FBXL13: variants seen among roughly 807,000 people sequenced by gnomAD.
The protein encoded by FBXL13 is F-box and leucine-rich repeat protein 13.
Under a neutral mutation model 83.6 loss-of-function variants are expected in FBXL13, and 67 were observed. The ratio of observed to expected loss-of-function variants is 0.80; its 90% confidence interval spans 0.66 to 0.98. The LOEUF (loss-of-function observed/expected upper bound fraction) is 0.98. Among genes scored for constraint, FBXL13 ranks in the 50% least tolerant of loss-of-function variants. FBXL13 has a pLI of 0.00. For missense variants in FBXL13, 822 were observed against 866.5 expected (o/e 0.95, Z 0.64); for synonymous variants, 272 against 299.5 (o/e 0.91, Z 0.95).
intron 6 of FBXL13, among the ~76,000 whole-genome samples, chr7:102,971,009 A>G (rs938262805): frequency 5.3e-5 from 8 of 152,214 alleles, no homozygotes; most frequent in Admixed American, 3.3e-4. Context: ...TAAAGAGAAT[A>G]AAATCAAAGC....
chr7:102,995,030 TGTA>T (rs1829951931), intron 6 of FBXL13, among the ~76,000 whole-genome samples: 1 of 152,118 alleles, frequency 6.6e-6, no homozygotes, highest in African/African-American at 2.4e-5. Context: ...CTGTCCCTCT[TGTA>T]AAAGGTAAAA....
At chr7:103,074,588 C>G, upstream of FBXL13, 1 of 1,245,120 alleles carries the variant, frequency 8.0e-7, no homozygotes, top group Non-Finnish European at 1.0e-6. Flanking sequence ...TCCCTCCACT[C>G]CTCCCCAATC....
At chr7:102,963,320 CAA>C (rs1263420772) in intron 8 of FBXL13, among the ~76,000 whole-genome samples, 7 of 127,028 alleles carry the variant, frequency 5.5e-5, no homozygotes, top group African/African-American at 5.8e-5. Context: ...GACTCCATCT[CAA>C]AAAAAAAAAA....
At chr7:102,979,307 A>G (rs1302297521) in intron 6 of FBXL13, among the ~76,000 whole-genome samples, 2 of 152,216 alleles carry the variant, frequency 1.3e-5, no homozygotes, top group Non-Finnish European at 2.9e-5. Context: ...TAAAAGCTGG[A>G]GATGCTAGGG....
At chr7:102,984,708 T>C (rs757463267) in intron 6 of FBXL13, among the ~76,000 whole-genome samples, 5 of 152,224 alleles carry the variant, frequency 3.3e-5, no homozygotes, top group Admixed American at 3.3e-4. Flanking sequence ...ATATTTGTTG[T>C]GCACTTCTGT....
At chr7:102,939,583 C>A (rs776118776) in intron 8 of FBXL13, 5 of 1,612,488 alleles carry the variant, frequency 3.1e-6, no homozygotes, top group Non-Finnish European at 8.5e-7. Context: ...TTCATCGATC[C>A]TGGTAAGTTC....
At chr7:102,995,957 G>C (rs1789742474) in intron 6 of FBXL13, among the ~76,000 whole-genome samples, 1 of 152,078 alleles carries the variant, frequency 6.6e-6, no homozygotes, top group Non-Finnish European at 1.5e-5. Context: ...TTCCCAAAGT[G>C]AACCTAAAAC....
intron 16 of FBXL13, among the ~76,000 whole-genome samples, chr7:102,860,115 C>T (rs1806588860): frequency 6.6e-6 from 1 of 152,168 alleles, no homozygotes; most frequent in African/African-American, 2.4e-5. Context: ...ACAAGAACCT[C>T]GTACATTATT....
chr7:102,957,619 T>G (rs1824496661), intron 8 of FBXL13, among the ~76,000 whole-genome samples: 1 of 151,792 alleles, frequency 6.6e-6, no homozygotes, highest in Non-Finnish European at 1.5e-5. Flanking sequence ...GGGAGAAAAT[T>G]TTTGCAATCT....
chr7:102,914,939 T>C lies in FBXL13; in HGVS notation c.879-1724A>G, dbSNP rs117110411. Among the ~76,000 whole-genome samples, 516 of 152,266 alleles carry C rather than the reference T, an allele frequency of 3.4e-3. 2 individuals are homozygous for C. Among genetic ancestry groups the C allele is most frequent in the Non-Finnish European group, 5.2e-3 (357 of 68,018 alleles). On this transcript the variant is annotated intron_variant, in intron 10 of 19. Coordinates refer to ENST00000313221, the Ensembl canonical transcript of FBXL13. ...GAGAGGCACACCAGGGTGTCATTTC[T>C]AGCAATCCTTTAGCTTTATAATCTG...
intron 6 of FBXL13, among the ~76,000 whole-genome samples, chr7:103,016,687 C>T (rs368185875): frequency 9.9e-5 from 15 of 152,186 alleles, no homozygotes; most frequent in African/African-American, 3.4e-4. Context: ...TATCCCGCGC[C>T]TGGCTCGGAG....
intron 2 of FBXL13, among the ~76,000 whole-genome samples, chr7:103,043,657 G>A (rs1795981770): frequency 6.6e-6 from 1 of 152,148 alleles, no homozygotes; most frequent in African/African-American, 2.4e-5. Context: ...GATTACAGGT[G>A]TGTGCTACCA....
At chr7:102,834,396 T>TA (rs1562927136) in intron 17 of FBXL13, among the ~76,000 whole-genome samples, 112 of 145,932 alleles carry the variant, frequency 7.7e-4, no homozygotes, top group African/African-American at 2.7e-3. Flanking sequence ...ATATATATAT[T>TA]ATATGCGATT....
intron 6 of FBXL13, among the ~76,000 whole-genome samples, chr7:102,989,557 C>T (rs543032962): frequency 1.3e-5 from 2 of 152,342 alleles, no homozygotes; most frequent in South Asian, 4.1e-4. Context: ...TCCTGCTCCA[C>T]CCTGCCTTGA....
intron 6 of FBXL13, 52 bp downstream of exon 7, chr7:103,025,008 GCAC>G (rs1410483428): frequency 2.2e-5 from 30 of 1,379,776 alleles, no homozygotes; most frequent in Non-Finnish European, 2.9e-5. Context: ...TTACAGGCAT[GCAC>G]CACCACACTT....
Position 102,854,839 on chromosome 7 carries a change from G to A in FBXL13, c.1657C>T (p.His553Tyr), listed in dbSNP as rs777955993. The A allele has an allele frequency of 6.3e-6, 10 of 1,585,196 alleles. No individual in the cohort carries two copies. In the African/African-American group the frequency reaches 9.5e-5, roughly 15 times the overall value. The change falls in exon 17 of 20, where the codon CAT (histidine) becomes TAT (tyrosine). Residue 553 changes from histidine to tyrosine, a missense_variant. By Grantham distance (83) the His-to-Tyr change is moderately conservative. Transcript: ENST00000313221. Reference sequence around the variant, plus strand: ...ACAGAAAGTTCCTTCAATTTTTTATGTCTGGAAAGCACATTCAAACCCTAA... The same window carrying A: ...ACAGAAAGTTCCTTCAATTTTTTATATCTGGAAAGCACATTCAAACCCTAA...
intron 10 of FBXL13, among the ~76,000 whole-genome samples, chr7:102,924,781 C>T (rs547898937): frequency 6.6e-6 from 1 of 151,910 alleles, no homozygotes; most frequent in South Asian, 2.1e-4. Flanking sequence ...GCTGGGACTA[C>T]AGGCACCCAC....
At chr7:102,997,694 T>C (rs1402220109) in intron 6 of FBXL13, among the ~76,000 whole-genome samples, 2 of 152,196 alleles carry the variant, frequency 1.3e-5, no homozygotes, top group African/African-American at 4.8e-5. Context: ...GCCTGGCTTA[T>C]TTCACTTAAC....
At chr7:102,962,592 A>C (rs1317152247) in intron 8 of FBXL13, among the ~76,000 whole-genome samples, 1 of 152,150 alleles carries the variant, frequency 6.6e-6, no homozygotes. Context: ...CAAATGTCCA[A>C]CAATGATAGA....
Sources: gnomAD v4.1 joint callset for allele counts (sites outside exome capture counted in the v4.1 genomes callset) on GRCh38, gnomAD v4.1.1 for gene constraint, MANE v1.5 for transcripts, NCBI Gene and HGNC (gene_info 2026-07-23, HGNC 2026-07-21) for gene names.